Variants in OSBPL10 observed in about 807,000 individuals in gnomAD.
The protein encoded by OSBPL10 is oxysterol binding protein like 10, also known as oxysterol-binding protein-related protein 10.
Under a neutral mutation model 81.7 loss-of-function variants are expected in OSBPL10, and 49 were observed. That is an observed-to-expected ratio of 0.60 (90% confidence interval 0.48 to 0.76). The LOEUF is 0.76. Ranked by LOEUF, OSBPL10 falls within the 30% of genes least tolerant of loss-of-function variation. The pLI, the probability that OSBPL10 is intolerant of heterozygous loss-of-function variation, is 0.00. For synonymous variants in OSBPL10, 419 were observed against 383.6 expected (o/e 1.09, Z -1.08); for missense variants, 923 against 987.8 (o/e 0.93, Z 0.88).
chr3:31,831,345 G>A (rs1439471534), intron 3 of OSBPL10, among the ~76,000 whole-genome samples: 2 of 151,748 alleles, frequency 1.3e-5, no homozygotes, highest in Non-Finnish European at 2.9e-5. Flanking sequence ...GGCGGAGGTT[G>A]CAGTGAGCCG....
intron 1 of OSBPL10, among the ~76,000 whole-genome samples, chr3:31,957,813 G>A (rs917264266): frequency 6.6e-6 from 1 of 152,066 alleles, no homozygotes; most frequent in African/African-American, 2.4e-5. Flanking sequence ...ACTAATTTTT[G>A]TATTTTTAGT....
chr3:31,879,033 T>C (rs948964520), intron 2 of OSBPL10, among the ~76,000 whole-genome samples: 1 of 152,196 alleles, frequency 6.6e-6, no homozygotes, highest in African/African-American at 2.4e-5. Flanking sequence ...TGAGGGTGAA[T>C]ACTGGACTCC....
At chr3:31,870,424 C>G (rs554872414) in intron 3 of OSBPL10, among the ~76,000 whole-genome samples, 9 of 152,214 alleles carry the variant, frequency 5.9e-5, no homozygotes, top group African/African-American at 2.2e-4. Context: ...CTGTGCGGCC[C>G]GAGCCTCCCC....
At chr3:32,018,269 A>G (rs1268457992) in intron 2 of OSBPL10, among the ~76,000 whole-genome samples, 1 of 152,220 alleles carries the variant, frequency 6.6e-6, no homozygotes, top group Non-Finnish European at 1.5e-5. Context: ...TTTGATCCCA[A>G]CCTTTCAGAA....
intron 2 of OSBPL10, among the ~76,000 whole-genome samples, chr3:32,002,923 C>G (rs1699166148): frequency 6.6e-6 from 1 of 152,178 alleles, no homozygotes; most frequent in African/African-American, 2.4e-5. Flanking sequence ...GACAGACAAT[C>G]AGGTCATTAC....
chr3:31,695,415 A>G (rs188813994), intron 7 of OSBPL10, among the ~76,000 whole-genome samples: 21 of 152,146 alleles, frequency 1.4e-4, no homozygotes, highest in African/African-American at 4.6e-4. Flanking sequence ...CCCTAGTCTT[A>G]CCAGCACCTT....
intron 4 of OSBPL10, among the ~76,000 whole-genome samples, chr3:31,773,402 C>G (rs188764042): frequency 7.2e-5 from 11 of 152,230 alleles, no homozygotes; most frequent in Admixed American, 3.3e-4. Context: ...CATGCAAAAA[C>G]TGTAAAATGG....
intron 10 of OSBPL10, among the ~76,000 whole-genome samples, chr3:31,665,748 A>G (rs1357544471): frequency 6.6e-6 from 1 of 152,188 alleles, no homozygotes; most frequent in Non-Finnish European, 1.5e-5. Context: ...GGTGTTGGGT[A>G]AAATCACAGT....
chr3:31,989,552 G>C, intron 2 of OSBPL10: 1 of 1,614,182 alleles, frequency 6.2e-7, no homozygotes, highest in Non-Finnish European at 8.5e-7. Flanking sequence ...CTTGGATTAA[G>C]CTTTCATTCG....
intron 2 of OSBPL10, among the ~76,000 whole-genome samples, chr3:32,025,592 A>C (rs1479719504): frequency 1.3e-5 from 2 of 152,104 alleles, no homozygotes; most frequent in East Asian, 3.9e-4. Context: ...TTGTTATTTA[A>C]ATATTTGATA....
chr3:31,894,993 T>C (rs190733474), intron 1 of OSBPL10, among the ~76,000 whole-genome samples: 108 of 152,188 alleles, frequency 7.1e-4, no homozygotes, highest in African/African-American at 2.1e-3. Flanking sequence ...CATGCCACAC[T>C]CTAGGGATGG....
intron 1 of OSBPL10, among the ~76,000 whole-genome samples, chr3:31,946,351 A>C (rs1482426748): frequency 6.6e-6 from 1 of 152,060 alleles, no homozygotes; most frequent in Non-Finnish European, 1.5e-5. Context: ...AAAAATTAGA[A>C]ATCAATTAAG....
chr3:32,053,653 C>T (rs1699684712), intron 1 of OSBPL10, among the ~76,000 whole-genome samples: 1 of 152,020 alleles, frequency 6.6e-6, no homozygotes, highest in East Asian at 1.9e-4. Context: ...GGCTTTCTCT[C>T]TTGAATAAGA....
At chr3:31,915,241 G>A (rs1696721229) in intron 1 of OSBPL10, among the ~76,000 whole-genome samples, 1 of 151,698 alleles carries the variant, frequency 6.6e-6, no homozygotes, top group Non-Finnish European at 1.5e-5. Flanking sequence ...TCCTCTTATT[G>A]GTGGTTTCCT....
intron 4 of OSBPL10, among the ~76,000 whole-genome samples, chr3:31,769,548 TA>T (rs1197941010): frequency 1.4e-5 from 2 of 145,944 alleles, no homozygotes; most frequent in Admixed American, 6.8e-5. Context: ...TATATTTTAT[TA>T]AAAATATATT....
chr3:31,712,120 A>G (rs1196473087), intron 6 of OSBPL10, among the ~76,000 whole-genome samples: 1 of 152,218 alleles, frequency 6.6e-6, no homozygotes, highest in African/African-American at 2.4e-5. Context: ...GCTGAGGCCA[A>G]GCACATGGTT....
intron 4 of OSBPL10, among the ~76,000 whole-genome samples, chr3:31,793,232 C>G (rs1240514981): frequency 6.6e-6 from 1 of 152,178 alleles, no homozygotes. Context: ...CCCAGCCAGA[C>G]TGGGAAAGCG....
chr3:32,032,791 T>C (rs1699485786), intron 2 of OSBPL10, among the ~76,000 whole-genome samples: 1 of 152,224 alleles, frequency 6.6e-6, no homozygotes, highest in Admixed American at 6.5e-5. Flanking sequence ...TTCAATTCAA[T>C]GGATGTATGT....
At chr3:31,893,217 T>G (rs567726124) in intron 1 of OSBPL10, among the ~76,000 whole-genome samples, 65 of 152,182 alleles carry the variant, frequency 4.3e-4, no homozygotes, top group African/African-American at 1.3e-3. Flanking sequence ...ACCTCAAAAC[T>G]AAGAGAAGCA....
Sources: allele counts gnomAD v4.1 joint callset (sites outside exome capture counted in the v4.1 genomes callset), GRCh38; gene constraint gnomAD v4.1.1; transcripts MANE v1.5; gene names NCBI Gene and HGNC (gene_info 2026-07-23, HGNC 2026-07-21).